The following FGF9 variants were observed in gnomAD, a reference collection of about 807,000 sequenced individuals.
The protein encoded by FGF9 is fibroblast growth factor 9.
FGF9 carries 3 observed loss-of-function variants against 19.9 expected under a neutral mutation model. The ratio of observed to expected loss-of-function variants is 0.15; its 90% CI spans 0.07 to 0.39. The LOEUF (loss-of-function observed/expected upper bound fraction) is 0.39. Among genes scored for constraint, FGF9 ranks in the 10% least tolerant of loss-of-function variants. The probability of loss-of-function intolerance (pLI) is 1.00; values close to 1 mark genes in which losing one functional copy is unlikely to be tolerated. For missense variants in FGF9, 175 were observed against 256.8 expected, an observed-to-expected ratio of 0.68 and a Z score of 2.18; for synonymous variants, 107 against 106.9, an observed-to-expected ratio of 1.00 and a Z score of -0.01.
chr13:21,697,728 T>C (rs1428822938), intron 2 of FGF9, among the ~76,000 whole-genome samples: 1 of 152,212 alleles, frequency 6.6e-6, no homozygotes, highest in Non-Finnish European at 1.5e-5. Flanking sequence ...GATTGCTATT[T>C]TCCTGCCCTC....
In FGF9 at chr13:21,681,065, G is replaced by A; in HGVS notation, c.301G>A (p.Ala101Thr). The A allele has an allele frequency of 6.2e-7, 1 of 1,613,844 alleles. No individual in the cohort carries two copies. Among genetic ancestry groups the A allele is most frequent in the African/African-American group, 1.3e-5 (1 of 75,008 alleles). The change falls in exon 2 of 3, where the codon GCA becomes ACA. Residue 101 changes from alanine to threonine, a missense_variant. This residue lies in a region of FGF9 where 101 missense variants were observed against 160.7 expected (regional missense o/e 0.63). Coordinates refer to ENST00000382353, the MANE Select transcript of FGF9 (RefSeq NM_002010.3). ...RFGILEFISI[A>T]VGLVSIRGVD... ...AGGCATTCTGGAATTTATCAGTATAGCAGTGGGCCTGGTCAGCATTCGAGG... is the reference window on the plus strand; with the variant it reads ...AGGCATTCTGGAATTTATCAGTATAACAGTGGGCCTGGTCAGCATTCGAGG...
At chr13:21,699,475 C>G (rs572079966) in intron 2 of FGF9, among the ~76,000 whole-genome samples, 1 of 152,294 alleles carries the variant, frequency 6.6e-6, no homozygotes, top group South Asian at 2.1e-4. Flanking sequence ...AGTGCCGGCC[C>G]TCATGACCTC....
chr13:21,693,035 C>T (rs548183625), intron 2 of FGF9, among the ~76,000 whole-genome samples: 2 of 152,298 alleles, frequency 1.3e-5, no homozygotes, highest in African/African-American at 4.8e-5. Flanking sequence ...ACCCAAAATT[C>T]TGTCATCAGA....
intron 2 of FGF9, among the ~76,000 whole-genome samples, chr13:21,694,030 T>A (rs1160210089): frequency 6.6e-6 from 1 of 152,200 alleles, no homozygotes; most frequent in Non-Finnish European, 1.5e-5. Flanking sequence ...TAACTTTGCT[T>A]TCCACATTTT....
intron 1 of FGF9, among the ~76,000 whole-genome samples, chr13:21,679,556 A>G (rs1565949216): frequency 6.6e-6 from 1 of 152,124 alleles, no homozygotes; most frequent in African/African-American, 2.4e-5. Context: ...CAAGAACTCA[A>G]TATTTGATAT....
intron 2 of FGF9, among the ~76,000 whole-genome samples, chr13:21,686,807 T>C (rs764597294): frequency 6.6e-5 from 10 of 152,230 alleles, no homozygotes; most frequent in Non-Finnish European, 1.2e-4. Flanking sequence ...GAGCATCGAA[T>C]AGTGATAGCA....
chr13:21,674,102 C>A (rs575719601), intron 1 of FGF9: 5 of 152,546 alleles, frequency 3.3e-5, no homozygotes, highest in African/African-American at 1.2e-4. Context: ...GTGGGTCTGG[C>A]GGGGCTGACA....
rs73447762 is a variant in FGF9 at position 21,696,996 on chromosome 13, T to C, written c.382-4194T>C. On this transcript the variant is annotated intron_variant, in intron 2 of 2. Transcript: ENST00000382353. ...GATCTGTGTGGCATAATTGGTGTAA[T>C]TGCAGGAGCTAAAATGTACCGGTGA... Among the ~76,000 whole-genome samples the C allele has an allele frequency of 3.4e-3, 522 of 152,332 alleles. 4 individuals carry two copies. The highest frequency in any genetic ancestry group is 0.012 in the African/African-American group (503 of 41,566).
intron 1 of FGF9, among the ~76,000 whole-genome samples, chr13:21,679,625 A>G (rs1362530742): frequency 6.6e-6 from 1 of 152,018 alleles, no homozygotes; most frequent in East Asian, 1.9e-4. Context: ...AAAGGAAAAA[A>G]TGGCTGAGTA....
At chr13:21,692,221 T>C (rs561900564) in intron 2 of FGF9, among the ~76,000 whole-genome samples, 11 of 152,358 alleles carry the variant, frequency 7.2e-5, no homozygotes, top group Admixed American at 1.3e-4. Flanking sequence ...CGCTCTCAGC[T>C]TTAGGTTCTC....
chr13:21,674,471 G>A (rs1871853403), intron 1 of FGF9, among the ~76,000 whole-genome samples: 2 of 149,564 alleles, frequency 1.3e-5, no homozygotes, highest in Non-Finnish European at 3.0e-5. Context: ...CCGCGCCCCC[G>A]CCTCCGCTCC....
Position 21,701,459 on chromosome 13 carries a change from C to T in FGF9, c.*24C>T, listed in dbSNP as rs199943312. 87 of 1,613,866 alleles carry T rather than the reference C, an allele frequency of 5.4e-5. No homozygotes were observed. The East Asian group carries it at 1.8e-3, about 33-fold the overall frequency. ...GACAAAGACAGTTTCTTCACTTGAG[C>T]CCTTAAAAAAGTAACCACTATAAAG... is the stretch of plus-strand genomic sequence containing the variant. On this transcript the variant is annotated 3_prime_UTR_variant, in exon 3 of 3. Transcript: ENST00000382353.
In FGF9 at chr13:21,701,561, T is replaced by TAA; in HGVS notation, c.*127_*128dup. On this transcript the variant is annotated 3_prime_UTR_variant, in exon 3 of 3. Coordinates refer to ENST00000382353, the MANE Select transcript of FGF9 (RefSeq NM_002010.3). ...CTGTTGCCAAACTTTGTCGCATGCATAATGTATGATGGAGGCTTGGATGGG... is the reference window on the plus strand; with the variant it reads ...CTGTTGCCAAACTTTGTCGCATGCATAAAATGTATGATGGAGGCTTGGATGGG... 4 of 1,308,618 alleles carry TAA rather than the reference T, an allele frequency of 3.1e-6. No individual in the cohort carries two copies. The highest frequency in any genetic ancestry group is 4.4e-6 in the Non-Finnish European group (4 of 910,370). 81.1% of individuals were successfully genotyped at this position (1,308,618 alleles called of 1,614,324 possible).
chr13:21,701,697 A>G lies in FGF9; in HGVS notation c.*262A>G. On this transcript the variant is annotated 3_prime_UTR_variant, in exon 3 of 3. Coordinates refer to ENST00000382353, the MANE Select transcript of FGF9 (RefSeq NM_002010.3). ...AGGAGAGAGAGAGAGACTGAGCGCT[A>G]GGAGTGTGTGTATGTGTGTGTGTGT... 2.1e-6 allele frequency: 1 copy of G among 470,356 alleles called. No individual in the cohort carries two copies. Among genetic ancestry groups the G allele is most frequent in the Non-Finnish European group, 3.8e-6 (1 of 260,774 alleles). The allele number at this position is 470,356 out of a possible 1,614,324, so 29.1% of individuals were successfully genotyped here. A position where few individuals can be genotyped will look rare whatever the true frequency, so the allele number is the denominator to read the frequency against.
chr13:21,672,119 G>C lies in FGF9; in HGVS notation c.207G>C (p.Arg69Ser), dbSNP rs762649405. ...GILRRRQLYC[R>S]TGFHLEIFPN... ...TCAGGCGGAGGCAGCTATACTGCAG[G>C]ACTGGATTTCACTTAGAAATCTTCC... Residue 69 changes from arginine (R) to serine (S), a missense_variant, in exon 1 of 3, where the codon AGG becomes AGC. Coordinates refer to ENST00000382353, the MANE Select transcript of FGF9 (RefSeq NM_002010.3). The surrounding 1 kb of genome is among the most constrained non-coding windows in gnomAD (Gnocchi z 4.2). The C allele has an allele frequency of 6.2e-7, 1 of 1,614,222 alleles. No individual in the cohort carries two copies. The highest frequency in any genetic ancestry group is 1.1e-5 in the South Asian group (1 of 91,086).
intron 1 of FGF9, among the ~76,000 whole-genome samples, chr13:21,676,452 A>G (rs1382290992): frequency 6.6e-6 from 1 of 152,214 alleles, no homozygotes; most frequent in Non-Finnish European, 1.5e-5. Context: ...CTGGGTGTTT[A>G]AGGAGATGGT....
rs939794534 is a variant in FGF9 at position 21,691,445 on chromosome 13, G to C, written c.382-9745G>C. Among the ~76,000 whole-genome samples, 2 of 152,214 alleles carry C rather than the reference G, an allele frequency of 1.3e-5. No individual in the cohort carries two copies. The highest frequency in any genetic ancestry group is 2.9e-5 in the Non-Finnish European group (2 of 68,022). ...GCCAAGAAGGCAACTTTGCTGCAGG[G>C]TTTAGAAACATGGAGGCTTCTGGAT... On this transcript the variant is annotated intron_variant, in intron 2 of 2. Transcript: ENST00000382353. This position sits in a 1 kb window ranked among gnomAD's most constrained non-coding sequence, Gnocchi z 4.2.
intron 2 of FGF9, among the ~76,000 whole-genome samples, chr13:21,698,214 G>A (rs745420327): frequency 4.5e-4 from 68 of 152,270 alleles, no homozygotes; most frequent in Non-Finnish European, 1.3e-4. Context: ...TTCTTGCTCT[G>A]GTGGCTTCAT....
chr13:21,671,510 C>A lies in FGF9; in HGVS notation c.-403C>A. ...TGCATCTTAAAAATCCCTATAATAA[C>A]GCCTAGGCATTTAAGTTGCTATGGT... is the stretch of plus-strand genomic sequence containing the variant. On this transcript the variant is annotated 5_prime_UTR_variant, in exon 1 of 3. Transcript: ENST00000382353. 2.1e-6 allele frequency: 1 copy of A among 484,178 alleles called. No individual in the cohort carries two copies. The highest frequency in any genetic ancestry group is 3.6e-6 in the Non-Finnish European group (1 of 277,420). 30.0% of individuals were successfully genotyped at this position (484,178 alleles called of 1,614,324 possible).
Sources: gnomAD v4.1 joint callset for allele counts (sites outside exome capture counted in the v4.1 genomes callset) on GRCh38, gnomAD v4.1.1 for gene constraint, gnomAD v4.1.1 regional missense constraint, Gnocchi (gnomAD v3.1) non-coding constraint, MANE v1.5 for transcripts, NCBI Gene and HGNC (gene_info 2026-07-23, HGNC 2026-07-21) for gene names.